Variants in XKR6 observed in about 807,000 individuals in gnomAD.
XKR6 encodes the protein XK related 6, also known as XK-related protein 6.
XKR6 carries 22 observed loss-of-function variants against 56.7 expected under a neutral mutation model. That is an observed-to-expected ratio of 0.39 (90% confidence interval 0.28 to 0.55). XKR6 has a LOEUF of 0.55. XKR6 is among the 20% of genes least tolerant of loss of function. XKR6 has a pLI of 0.66. For synonymous variants in XKR6, 524 were observed against 387.8 expected, an observed-to-expected ratio of 1.35 and a Z score of -4.13; for missense variants, 852 against 889.0, an observed-to-expected ratio of 0.96 and a Z score of 0.53.
chr8:10,931,571 G>C (rs906543363), intron 1 of XKR6, among the ~76,000 whole-genome samples: 1 of 152,146 alleles, frequency 6.6e-6, no homozygotes, highest in Admixed American at 6.5e-5. Flanking sequence ...TAGATCAGCA[G>C]AACAGAAGAG....
intron 1 of XKR6, among the ~76,000 whole-genome samples, chr8:11,085,259 T>C (rs140625112): frequency 0.011 from 1,737 of 152,252 alleles, 34 homozygotes; most frequent in African/African-American, 0.035. Context: ...GGGAGCCTCA[T>C]TGTCTCTCTA....
intron 1 of XKR6, among the ~76,000 whole-genome samples, chr8:11,182,618 G>T (rs377396425): frequency 6.6e-6 from 1 of 152,224 alleles, no homozygotes; most frequent in East Asian, 1.9e-4. Context: ...GTGAGGAAGA[G>T]AAAAAGATTT....
chr8:11,086,973 G>A (rs552489249), intron 1 of XKR6, among the ~76,000 whole-genome samples: 51 of 152,288 alleles, frequency 3.3e-4, no homozygotes, highest in African/African-American at 1.1e-3. Context: ...ATGGTCTCTC[G>A]GAAGCTGAGA....
At chr8:11,072,123 C>T (rs1800146184) in intron 1 of XKR6, among the ~76,000 whole-genome samples, 1 of 152,248 alleles carries the variant, frequency 6.6e-6, no homozygotes, top group Non-Finnish European at 1.5e-5. Context: ...ACCCAACAGT[C>T]AACCCACATC....
intron 1 of XKR6, among the ~76,000 whole-genome samples, chr8:11,056,091 G>A (rs965807420): frequency 3.3e-4 from 50 of 152,204 alleles, no homozygotes; most frequent in Admixed American, 1.8e-3. Context: ...GGCCGTGGAC[G>A]ACGTCCCGAC....
At chr8:10,991,054 C>T (rs368366753) in intron 1 of XKR6, among the ~76,000 whole-genome samples, 1 of 152,068 alleles carries the variant, frequency 6.6e-6, no homozygotes, top group Admixed American at 6.6e-5. Context: ...CAGGCACCCA[C>T]CAACATGCCC....
chr8:11,084,513 T>A (rs1294759134), intron 1 of XKR6, among the ~76,000 whole-genome samples: 2 of 152,216 alleles, frequency 1.3e-5, no homozygotes, highest in Non-Finnish European at 2.9e-5. Flanking sequence ...AAGAAAATAT[T>A]TATTCAGAAA....
At chr8:11,199,521 C>G (rs181492564) in intron 1 of XKR6, among the ~76,000 whole-genome samples, 2 of 152,272 alleles carry the variant, frequency 1.3e-5, no homozygotes, top group Admixed American at 1.3e-4. Flanking sequence ...AGAGCTTGTC[C>G]CTGTGTAATT....
chr8:10,979,202 C>A (rs1050854762), intron 1 of XKR6, among the ~76,000 whole-genome samples: 4 of 151,996 alleles, frequency 2.6e-5, no homozygotes, highest in African/African-American at 7.2e-5. Flanking sequence ...TTTCCTCCCA[C>A]TAGGAAGGGC....
At chr8:11,124,262 G>A in intron 1 of XKR6, 1 of 344,718 alleles carries the variant, frequency 2.9e-6, no homozygotes, top group Non-Finnish European at 5.7e-6. Flanking sequence ...AAACCCCTCT[G>A]TTAGGCAAAA....
chr8:10,951,366 C>T (rs1397458516), intron 1 of XKR6, among the ~76,000 whole-genome samples: 4 of 151,066 alleles, frequency 2.6e-5, no homozygotes, highest in Admixed American at 6.6e-5. Flanking sequence ...TGCTGAGCGA[C>T]GCATGGGTAA....
chr8:11,149,037 C>G (rs1801134778), intron 1 of XKR6, among the ~76,000 whole-genome samples: 1 of 152,074 alleles, frequency 6.6e-6, no homozygotes, highest in Non-Finnish European at 1.5e-5. Flanking sequence ...ATTACAAAGG[C>G]ACATAAGGAA....
chr8:11,167,889 TTA>T (rs1802163525), intron 1 of XKR6, among the ~76,000 whole-genome samples: 1 of 91,164 alleles, frequency 1.1e-5, no homozygotes, highest in Admixed American at 9.9e-5. Flanking sequence ...ACCCCATCTC[TTA>T]AAAAAAAAAA....
intron 1 of XKR6, among the ~76,000 whole-genome samples, chr8:11,134,643 G>C (rs1800289002): frequency 6.6e-6 from 1 of 152,014 alleles, no homozygotes; most frequent in Admixed American, 6.6e-5. Context: ...TTTTTACTGT[G>C]AGTTGGAGTG....
At chr8:10,928,488 G>A (rs906421651) in intron 1 of XKR6, among the ~76,000 whole-genome samples, 1 of 152,240 alleles carries the variant, frequency 6.6e-6, no homozygotes, top group African/African-American at 2.4e-5. Context: ...TCTCCCTCGG[G>A]ATCTCAGTTT....
At position 11,142,649 on chromosome 8, in the gene XKR6, G is replaced by A. The variant is rs188226158; in HGVS notation, c.764+57927C>T. 2.1e-3 allele frequency among the ~76,000 whole-genome samples: 318 copies of A among 152,104 alleles called. 1 individual carries two copies. Among genetic ancestry groups the A allele is most frequent in the Non-Finnish European group, 3.0e-3 (205 of 68,006 alleles). ...CATGTGAGATGCCTTCTCCCCCTTCGCCTTCCACTATGACTGGAAGATTCC... is the reference window on the plus strand; with the variant it reads ...CATGTGAGATGCCTTCTCCCCCTTCACCTTCCACTATGACTGGAAGATTCC... On this transcript the variant is annotated intron_variant, in intron 1 of 2. Coordinates refer to ENST00000416569, the MANE Select transcript of XKR6 (RefSeq NM_173683.4).
chr8:11,096,859 C>G (rs1798278274), intron 1 of XKR6, among the ~76,000 whole-genome samples: 1 of 152,224 alleles, frequency 6.6e-6, no homozygotes, highest in South Asian at 2.1e-4. Context: ...CTCAAGACCT[C>G]ACTGAATGTC....
chr8:10,904,324 G>T (rs1226591386), intron 2 of XKR6, among the ~76,000 whole-genome samples: 1 of 152,174 alleles, frequency 6.6e-6, no homozygotes, highest in Non-Finnish European at 1.5e-5. Context: ...GAAAGGCTTG[G>T]AGAAAGGGCC....
Position 11,158,757 on chromosome 8 carries a change from G to A in XKR6, c.764+41819C>T, listed in dbSNP as rs566210517. On this transcript the variant is annotated intron_variant, in intron 1 of 2. Coordinates refer to ENST00000416569, the MANE Select transcript of XKR6 (RefSeq NM_173683.4). ...CTTCTAAATGCAAAGATGACGAAAC[G>A]GACAGACACAGCTAACACAATTTTT... Among the ~76,000 whole-genome samples the A allele has an allele frequency of 7.2e-4, 109 of 152,166 alleles. No individual in the cohort carries two copies. In the South Asian group the frequency reaches 0.014, roughly 19 times the overall value.
Sources: gnomAD v4.1 joint callset for allele counts (sites outside exome capture counted in the v4.1 genomes callset) on GRCh38, gnomAD v4.1.1 for gene constraint, MANE v1.5 for transcripts, NCBI Gene and HGNC (gene_info 2026-07-23, HGNC 2026-07-21) for gene names.